KLHL18: variants seen among roughly 807,000 people sequenced by gnomAD.
KLHL18 encodes kelch like family member 18, also known as kelch-like protein 18.
In KLHL18, 38 loss-of-function variants were observed where a neutral mutation model predicts 58.5. The observed-to-expected ratio is 0.65, with a 90% CI of 0.50 to 0.85. KLHL18 has a LOEUF of 0.85. Ranked by LOEUF, KLHL18 falls within the 40% of genes least tolerant of loss-of-function variation. KLHL18 has a pLI of 0.00. For missense variants in KLHL18, 624 were observed against 778.4 expected (o/e 0.80, Z 2.36); for synonymous variants, 303 against 301.9 (o/e 1.00, Z -0.04).
chr3:47,307,306 CA>C (rs1703173666), intron 1 of KLHL18, among the ~76,000 whole-genome samples: 1 of 152,198 alleles, frequency 6.6e-6, no homozygotes, highest in Non-Finnish European at 1.5e-5. Flanking sequence ...CTCCTGACCT[CA>C]AGTGATCTGC....
chr3:47,302,966 G>A lies in KLHL18; in HGVS notation c.130-16687G>A, dbSNP rs551678333. On this transcript the variant is annotated intron_variant, in intron 1 of 9. Transcript: ENST00000232766. ...TGGGAGCTCTCATCTCTATCAAGTTGTCTTCTATTAATTCCTCAGGTATAG... is the reference window on the plus strand; with the variant it reads ...TGGGAGCTCTCATCTCTATCAAGTTATCTTCTATTAATTCCTCAGGTATAG... Among the ~76,000 whole-genome samples the A allele has an allele frequency of 3.3e-5, 5 of 152,262 alleles. No homozygotes were observed. The South Asian group carries it at 1.0e-3, about 32-fold the overall frequency.
At chr3:47,297,379 T>C (rs188969595) in intron 1 of KLHL18, among the ~76,000 whole-genome samples, 34 of 152,310 alleles carry the variant, frequency 2.2e-4, no homozygotes, top group Admixed American at 4.6e-4. Flanking sequence ...CCATCAGCAT[T>C]GAAGGTGAAA....
intron 3 of KLHL18, among the ~76,000 whole-genome samples, chr3:47,326,653 C>G (rs374421909): frequency 1.3e-5 from 2 of 152,158 alleles, no homozygotes; most frequent in Non-Finnish European, 2.9e-5. Context: ...TACGTTGACT[C>G]ACGCCTGTAA....
intron 1 of KLHL18, among the ~76,000 whole-genome samples, chr3:47,295,564 C>T: frequency 6.6e-6 from 1 of 151,494 alleles, no homozygotes; most frequent in East Asian, 1.9e-4. Context: ...CTTTCCCTTT[C>T]TCTTTCTCCT....
rs985254617 is a variant in KLHL18, at chr3:47,346,254, A to T, written c.*2313A>T. On this transcript the variant is annotated 3_prime_UTR_variant, in exon 10 of 10. Transcript: ENST00000232766. ...TCTTGTAGTGGACTTCCTGAGTCCAATCCCACCTCCTGGTGTAGAATTTAC... is the reference window on the plus strand; with the variant it reads ...TCTTGTAGTGGACTTCCTGAGTCCATTCCCACCTCCTGGTGTAGAATTTAC... The T allele has an allele frequency of 6.6e-6, 1 of 152,624 alleles. No individual in the cohort carries two copies. Among genetic ancestry groups the T allele is most frequent in the Admixed American group, 6.5e-5 (1 of 15,278 alleles). 9.5% of individuals were successfully genotyped at this position (152,624 alleles called of 1,614,324 possible). A position where few individuals can be genotyped will look rare whatever the true frequency, so the allele number is the denominator to read the frequency against.
chr3:47,308,264 G>T (rs1272758782), intron 1 of KLHL18, among the ~76,000 whole-genome samples: 3 of 151,052 alleles, frequency 2.0e-5, no homozygotes, highest in African/African-American at 7.3e-5. Context: ...AAAAATTTTA[G>T]ATTTTTAGGG....
rs1406637304 is a variant in KLHL18 at position 47,344,776 on chromosome 3, C to T, written c.*835C>T. 1.3e-5 allele frequency: 2 copies of T among 152,546 alleles called. No individual in the cohort carries two copies. Among genetic ancestry groups the T allele is most frequent in the East Asian group, 3.8e-4 (2 of 5,196 alleles). 9.4% of individuals were successfully genotyped at this position (152,546 alleles called of 1,614,324 possible). On this transcript the variant is annotated 3_prime_UTR_variant, in exon 10 of 10. Coordinates refer to ENST00000232766, the MANE Select transcript of KLHL18 (RefSeq NM_025010.5). ...CTAACTGGAGAAGGGCGGTATCCAC[C>T]CCACATTCGGATCCCAGGGTCCTGA...
At chr3:47,292,346 T>C (rs1230152831) in intron 1 of KLHL18, among the ~76,000 whole-genome samples, 1 of 151,576 alleles carries the variant, frequency 6.6e-6, no homozygotes, top group African/African-American at 2.4e-5. Flanking sequence ...TGGTGTCGCA[T>C]GCCTGTAGTC....
chr3:47,285,665 A>T (rs1159946958), intron 1 of KLHL18, among the ~76,000 whole-genome samples: 1 of 152,244 alleles, frequency 6.6e-6, no homozygotes, highest in Admixed American at 6.5e-5. Context: ...ATACTTCTAC[A>T]TAAAGTATTA....
intron 1 of KLHL18, among the ~76,000 whole-genome samples, chr3:47,284,673 T>C (rs988144400): frequency 6.6e-6 from 1 of 152,190 alleles, no homozygotes; most frequent in African/African-American, 2.4e-5. Flanking sequence ...AGGAAACTTT[T>C]CTTCTGCAAC....
At chr3:47,321,251 C>G (rs1489349302) in intron 2 of KLHL18, among the ~76,000 whole-genome samples, 1 of 151,924 alleles carries the variant, frequency 6.6e-6, no homozygotes. Context: ...TCACTGCAAC[C>G]TCCACCTCCC....
In KLHL18 at chr3:47,333,163, G is replaced by C. The variant is rs1703903847; in HGVS notation, c.607G>C (p.Glu203Gln). The C allele has an allele frequency of 1.9e-6, 3 of 1,613,094 alleles. No homozygotes were observed. The highest frequency in any genetic ancestry group is 1.7e-6 in the Non-Finnish European group (2 of 1,179,520). Residue 203 changes from glutamate (E) to glutamine (Q), a missense_variant, in exon 5 of 10, where the codon GAA becomes CAA. Physicochemically the swap from Glu to Gln is conservative, Grantham distance 29. Transcript: ENST00000232766. ...ACATCCACTCTCATGACAGGTCTTT[G>C]AAGCTGCATTGGCCTGGGTCAGATA... ...LNVKSEEQVFEAALAWVRYDR... is the reference protein window; with the variant it reads ...LNVKSEEQVFQAALAWVRYDR...
intron 1 of KLHL18, among the ~76,000 whole-genome samples, chr3:47,305,455 T>A (rs1279519025): frequency 1.3e-5 from 2 of 150,554 alleles, no homozygotes; most frequent in South Asian, 2.1e-4. Flanking sequence ...TTAACCCGGA[T>A]AAACCCTATT....
At chr3:47,329,323 G>A (rs958822168) in intron 3 of KLHL18, among the ~76,000 whole-genome samples, 2 of 152,026 alleles carry the variant, frequency 1.3e-5, no homozygotes, top group Non-Finnish European at 2.9e-5. Flanking sequence ...CGCCTCCTGG[G>A]TTCACAGCAT....
At chr3:47,291,661 A>G (rs1702793317) in intron 1 of KLHL18, among the ~76,000 whole-genome samples, 1 of 152,164 alleles carries the variant, frequency 6.6e-6, no homozygotes, top group Non-Finnish European at 1.5e-5. Flanking sequence ...CCTGTTATAT[A>G]CTGATAGGGC....
Position 47,295,747 on chromosome 3 carries a change from ATTTT to A in KLHL18, c.129+12662_129+12665del, listed in dbSNP as rs537889639. Among the ~76,000 whole-genome samples, 9 of 145,826 alleles carry A rather than the reference ATTTT, an allele frequency of 6.2e-5. No individual in the cohort carries two copies. In the South Asian group the frequency reaches 2.0e-3, roughly 32 times the overall value. ...CCACACTCAGTTAATTTAAAAAAAAATTTTTTTTTTTTGGTAGATACAGGGTCTT... is the reference window on the plus strand; with the variant it reads ...CCACACTCAGTTAATTTAAAAAAAAATTTTTTTTGGTAGATACAGGGTCTT... On this transcript the variant is annotated intron_variant, in intron 1 of 9. Coordinates refer to ENST00000232766, the MANE Select transcript of KLHL18 (RefSeq NM_025010.5).
At chr3:47,337,146 T>G (rs1355538731) in intron 7 of KLHL18, 1 of 213,912 alleles carries the variant, frequency 4.7e-6, no homozygotes, top group Non-Finnish European at 9.5e-6. Context: ...TTACCTTTAT[T>G]AGTGATAAAA....
chr3:47,295,567 T>A (rs774343698), intron 1 of KLHL18, among the ~76,000 whole-genome samples: 1 of 151,602 alleles, frequency 6.6e-6, no homozygotes, highest in Non-Finnish European at 1.5e-5. Flanking sequence ...TCCCTTTCTC[T>A]TTCTCCTCTT....
At chr3:47,311,975 T>A (rs1185792309) in intron 1 of KLHL18, among the ~76,000 whole-genome samples, 1 of 152,246 alleles carries the variant, frequency 6.6e-6, no homozygotes, top group Non-Finnish European at 1.5e-5. Flanking sequence ...CCAAGGGGCA[T>A]GAATGCTGAG....
Sources: gnomAD v4.1 joint callset for allele counts (sites outside exome capture counted in the v4.1 genomes callset) on GRCh38, gnomAD v4.1.1 for gene constraint, MANE v1.5 for transcripts, NCBI Gene and HGNC (gene_info 2026-07-23, HGNC 2026-07-21) for gene names.